The following PAX5 variants were observed in gnomAD, a reference collection of about 807,000 sequenced individuals.
The protein encoded by PAX5 is paired box protein Pax-5.
PAX5 carries 9 observed loss-of-function variants against 43.7 expected under a neutral mutation model. That is an observed-to-expected ratio of 0.21 (90% confidence interval 0.12 to 0.36). The LOEUF is 0.36. Ranked by LOEUF, PAX5 falls within the 10% of genes least tolerant of loss-of-function variation. The probability of loss-of-function intolerance (pLI) is 1.00; values close to 1 mark genes in which losing one functional copy is unlikely to be tolerated. For synonymous variants in PAX5, 228 were observed against 214.3 expected (o/e 1.06, Z -0.56); for missense variants, 383 against 532.7 (o/e 0.72, Z 2.77).
chr9:37,006,181 A>T (rs946361642), intron 4 of PAX5, among the ~76,000 whole-genome samples: 14 of 150,866 alleles, frequency 9.3e-5, no homozygotes, highest in Admixed American at 8.6e-4. Flanking sequence ...TACTTTAATT[A>T]TCTGACATTC....
chr9:36,980,240 C>G (rs1378497583), intron 5 of PAX5, among the ~76,000 whole-genome samples: 1 of 152,176 alleles, frequency 6.6e-6, no homozygotes, highest in Non-Finnish European at 1.5e-5. Flanking sequence ...GCATGAGAGT[C>G]TCTGGAGGAG....
intron 4 of PAX5, among the ~76,000 whole-genome samples, chr9:37,005,275 C>G (rs980148991): frequency 6.6e-6 from 1 of 152,198 alleles, no homozygotes; most frequent in Non-Finnish European, 1.5e-5. Flanking sequence ...CATTATATTC[C>G]CCCTTTACCT....
chr9:36,950,076 T>A (rs1271483135), intron 6 of PAX5, among the ~76,000 whole-genome samples: 1 of 152,246 alleles, frequency 6.6e-6, no homozygotes, highest in Non-Finnish European at 1.5e-5. Flanking sequence ...CCTAAGCTCC[T>A]TCTGAAAGCT....
At chr9:36,865,466 C>A (rs1824776039) in intron 8 of PAX5, among the ~76,000 whole-genome samples, 1 of 152,048 alleles carries the variant, frequency 6.6e-6, no homozygotes, top group African/African-American at 2.4e-5. Context: ...AGGCCCAGCA[C>A]CCAGGAGGGA....
intron 8 of PAX5, among the ~76,000 whole-genome samples, chr9:36,877,309 TG>T (rs1174596584): frequency 6.6e-6 from 1 of 152,306 alleles, no homozygotes; most frequent in South Asian, 2.1e-4. Flanking sequence ...CACTCCAGCT[TG>T]GGCGACGGCC....
intron 5 of PAX5, among the ~76,000 whole-genome samples, chr9:36,994,510 C>T (rs1837220939): frequency 1.3e-5 from 2 of 152,204 alleles, no homozygotes; most frequent in African/African-American, 4.8e-5. Flanking sequence ...CACGCACGCA[C>T]ACTCGGCCCC....
intron 1 of PAX5, among the ~76,000 whole-genome samples, chr9:37,027,934 G>C (rs1019885156): frequency 6.6e-6 from 1 of 152,254 alleles, no homozygotes; most frequent in Non-Finnish European, 1.5e-5. Flanking sequence ...AAACGCGCTG[G>C]ACTAAGGCCT....
chr9:36,888,016 A>G (rs758610681), intron 7 of PAX5, among the ~76,000 whole-genome samples: 47 of 152,258 alleles, frequency 3.1e-4, no homozygotes, highest in Non-Finnish European at 7.3e-5. Context: ...TAACAAGCAC[A>G]TGAAAAGATG....
intron 1 of PAX5, among the ~76,000 whole-genome samples, chr9:37,032,893 C>A (rs760831793): frequency 6.6e-6 from 1 of 152,248 alleles, no homozygotes; most frequent in Non-Finnish European, 1.5e-5. Flanking sequence ...GAGGCCTGTG[C>A]GCATACAGGC....
intron 6 of PAX5, among the ~76,000 whole-genome samples, chr9:36,954,612 T>C (rs1459064055): frequency 6.6e-6 from 1 of 152,234 alleles, no homozygotes; most frequent in African/African-American, 2.4e-5. Context: ...TGTTGTACTT[T>C]CTCTCTGGTT....
intron 1 of PAX5, among the ~76,000 whole-genome samples, chr9:37,031,969 C>T (rs1841026953): frequency 6.6e-6 from 1 of 152,232 alleles, no homozygotes; most frequent in African/African-American, 2.4e-5. Context: ...TGAGCACCAG[C>T]TTGGACAGCT....
At chr9:36,879,707 C>T (rs933946622) in intron 8 of PAX5, among the ~76,000 whole-genome samples, 3 of 152,206 alleles carry the variant, frequency 2.0e-5, no homozygotes, top group African/African-American at 7.2e-5. Flanking sequence ...AACCCTGCCC[C>T]CCTTGCAGGA....
chr9:37,027,961 G>A (rs1052559630), intron 1 of PAX5, among the ~76,000 whole-genome samples: 2 of 152,234 alleles, frequency 1.3e-5, no homozygotes, highest in Non-Finnish European at 2.9e-5. Context: ...TCGCGGCTGT[G>A]GGGAGGGGAA....
At chr9:37,006,370 AAGTGTTTTATGC>A (rs1183207961) in intron 4 of PAX5, 91 bp downstream of exon 4, 1 of 825,744 alleles carries the variant, frequency 1.2e-6, no homozygotes, top group African/African-American at 1.7e-5. Context: ...ACGTGTGCTG[AAGTGTTTTATGC>A]AGAATTATCT....
intron 7 of PAX5, among the ~76,000 whole-genome samples, chr9:36,910,948 G>A (rs554107819): frequency 3.9e-5 from 6 of 152,230 alleles, no homozygotes; most frequent in Non-Finnish European, 7.4e-5. Flanking sequence ...TCATTCATTC[G>A]TTCATTCATT....
chr9:37,014,727 A>G (rs893752214), intron 3 of PAX5, among the ~76,000 whole-genome samples: 1 of 152,068 alleles, frequency 6.6e-6, no homozygotes, highest in African/African-American at 2.4e-5. Flanking sequence ...GAAGGGAGGG[A>G]TGGAAATAAC....
chr9:37,029,301 C>T (rs768482102), intron 1 of PAX5, among the ~76,000 whole-genome samples: 3 of 152,176 alleles, frequency 2.0e-5, no homozygotes, highest in Non-Finnish European at 2.9e-5. Context: ...ACACTGGGGT[C>T]GACTCTTGGG....
At chr9:36,845,427 G>T (rs932510069) in intron 9 of PAX5, among the ~76,000 whole-genome samples, 2 of 152,208 alleles carry the variant, frequency 1.3e-5, no homozygotes, top group African/African-American at 2.4e-5. Context: ...GGATATCTTG[G>T]TTCGATACTT....
At chr9:36,996,408 T>C (rs1588175126) in intron 5 of PAX5, among the ~76,000 whole-genome samples, 1 of 152,236 alleles carries the variant, frequency 6.6e-6, no homozygotes. Context: ...AACCATTTCA[T>C]CCCTGCCCAT....
Sources: gnomAD v4.1 joint callset for allele counts (sites outside exome capture counted in the v4.1 genomes callset) on GRCh38, gnomAD v4.1.1 for gene constraint, MANE v1.5 for transcripts, NCBI Gene and HGNC (gene_info 2026-07-23, HGNC 2026-07-21) for gene names.